The following TAFA5 variants were observed in gnomAD, a reference collection of about 807,000 sequenced individuals.
The protein encoded by TAFA5 is TAFA chemokine like family member 5.
Under a neutral mutation model 15.3 loss-of-function variants are expected in TAFA5, and 6 were observed. The ratio of observed to expected loss-of-function variants is 0.39; its 90% confidence interval spans 0.21 to 0.77. TAFA5 has a LOEUF of 0.77. Ranked by LOEUF, TAFA5 falls within the 30% of genes least tolerant of loss-of-function variation. The probability of loss-of-function intolerance (pLI) is 0.41; values close to 1 mark genes in which losing one functional copy is unlikely to be tolerated. For missense variants in TAFA5, 161 were observed against 193.1 expected (o/e 0.83, Z 0.98); for synonymous variants, 103 against 80.7 (o/e 1.28, Z -1.48).
chr22:48,672,447 A>T (rs903890585), intron 2 of TAFA5, among the ~76,000 whole-genome samples: 1 of 152,222 alleles, frequency 6.6e-6, no homozygotes, highest in African/African-American at 2.4e-5. Context: ...TTTTCCTTAC[A>T]TTTATCAGGG....
chr22:48,611,384 C>A (rs1181387609), intron 1 of TAFA5, among the ~76,000 whole-genome samples: 2 of 152,234 alleles, frequency 1.3e-5, no homozygotes, highest in African/African-American at 4.8e-5. Context: ...TTTATTAGAA[C>A]TCACTTATTC....
chr22:48,704,196 A>ATG (rs1929005584), intron 2 of TAFA5, among the ~76,000 whole-genome samples: 1 of 128,118 alleles, frequency 7.8e-6, no homozygotes. Context: ...CTCAACACAC[A>ATG]CGCGCACACA....
chr22:48,674,717 G>C (rs1927914648), intron 2 of TAFA5, among the ~76,000 whole-genome samples: 1 of 152,140 alleles, frequency 6.6e-6, no homozygotes, highest in Admixed American at 6.5e-5. Context: ...AGACGCCGTG[G>C]GGAGGGGGGC....
intron 1 of TAFA5, among the ~76,000 whole-genome samples, chr22:48,630,957 G>A (rs369647883): frequency 6.6e-6 from 1 of 152,206 alleles, no homozygotes; most frequent in East Asian, 1.9e-4. Context: ...GCAAGGCCCA[G>A]GGTCACCGAG....
chr22:48,541,108 A>G (rs1394079442), intron 1 of TAFA5, among the ~76,000 whole-genome samples: 1 of 152,172 alleles, frequency 6.6e-6, no homozygotes, highest in African/African-American at 2.4e-5. Context: ...ACTGAACGGC[A>G]GCACTTCTCA....
At position 48,714,964 on chromosome 22, in the gene TAFA5, T is replaced by A. The variant is rs144007328; in HGVS notation, c.390+7120T>A. ...ATCCGTCTTCATGGGGCCTGCTCTG[T>A]TTGCCAAATTTCCTTCTCCCTTTTC... On this transcript the variant is annotated intron_variant, in intron 3 of 3. Coordinates refer to ENST00000402357, the MANE Select transcript of TAFA5 (RefSeq NM_001082967.3). 1.1e-4 allele frequency among the ~76,000 whole-genome samples: 17 copies of A among 152,300 alleles called. No individual in the cohort carries two copies. In the East Asian group the frequency reaches 2.5e-3, roughly 22 times the overall value.
intron 1 of TAFA5, among the ~76,000 whole-genome samples, chr22:48,645,336 G>A (rs1601639619): frequency 6.6e-6 from 1 of 152,148 alleles, no homozygotes; most frequent in Admixed American, 6.5e-5. Flanking sequence ...GCCATGCTGC[G>A]TTTTACCAGC....
At chr22:48,497,182 C>A (rs566019655) in intron 1 of TAFA5, among the ~76,000 whole-genome samples, 2 of 152,252 alleles carry the variant, frequency 1.3e-5, no homozygotes, top group East Asian at 3.9e-4. Context: ...GGCCCCGTTC[C>A]GCCCCCGCCT....
At chr22:48,564,143 C>G (rs1601582137) in intron 1 of TAFA5, among the ~76,000 whole-genome samples, 1 of 152,238 alleles carries the variant, frequency 6.6e-6, no homozygotes, top group African/African-American at 2.4e-5. Flanking sequence ...ACGCTGTGGG[C>G]AGCTGGACAC....
intron 2 of TAFA5, among the ~76,000 whole-genome samples, chr22:48,648,024 G>A (rs1353022742): frequency 6.6e-6 from 1 of 152,218 alleles, no homozygotes; most frequent in Non-Finnish European, 1.5e-5. Flanking sequence ...GGCTGGGCAG[G>A]TGGAGTAGGG....
chr22:48,546,970 T>C (rs1223126759), intron 1 of TAFA5: 2 of 164,038 alleles, frequency 1.2e-5, no homozygotes, highest in Admixed American at 6.1e-5. Context: ...AGTTTGTTTT[T>C]CCAGACTCTG....
intron 1 of TAFA5, among the ~76,000 whole-genome samples, chr22:48,557,248 G>T (rs80161928): frequency 0.01 from 1,561 of 152,304 alleles, 31 homozygotes; most frequent in African/African-American, 0.035. Flanking sequence ...GGTCGTAAGG[G>T]TGGGGCCCTG....
At chr22:48,511,328 A>C (rs1168403938) in intron 1 of TAFA5, among the ~76,000 whole-genome samples, 2 of 152,064 alleles carry the variant, frequency 1.3e-5, no homozygotes, top group Admixed American at 6.5e-5. Context: ...GCTCCTTGGC[A>C]AACTGGGTCA....
At chr22:48,580,366 A>G (rs996866441) in intron 1 of TAFA5, among the ~76,000 whole-genome samples, 2 of 152,240 alleles carry the variant, frequency 1.3e-5, no homozygotes, top group Non-Finnish European at 2.9e-5. Context: ...GTGTTCGTCT[A>G]TCTGTTAGAT....
At chr22:48,674,841 T>C (rs541545728) in intron 2 of TAFA5, among the ~76,000 whole-genome samples, 1 of 152,300 alleles carries the variant, frequency 6.6e-6, no homozygotes, top group South Asian at 2.1e-4. Flanking sequence ...TGTCACACTA[T>C]TCTTTCGGTG....
intron 1 of TAFA5, among the ~76,000 whole-genome samples, chr22:48,510,313 G>T (rs1921164910): frequency 1.3e-5 from 2 of 152,092 alleles, no homozygotes; most frequent in African/African-American, 2.4e-5. Context: ...CTAATATCCA[G>T]AATATATTCA....
intron 1 of TAFA5, among the ~76,000 whole-genome samples, chr22:48,555,906 G>A (rs1012226261): frequency 6.6e-6 from 1 of 152,220 alleles, no homozygotes; most frequent in Admixed American, 6.5e-5. Flanking sequence ...CTTGGGTGGT[G>A]CTTGTGAGGG....
At position 48,579,540 on chromosome 22, in the gene TAFA5, C is replaced by CA. The variant is rs1464384657; in HGVS notation, c.113-67056dup. Among the ~76,000 whole-genome samples, 4 of 152,226 alleles carry CA rather than the reference C, an allele frequency of 2.6e-5. 1 individual carries two copies. Among genetic ancestry groups the CA allele is most frequent in the African/African-American group, 9.7e-5 (4 of 41,448 alleles). ...TCCTTAGGGTGCAGACGACGTGTGT[C>CA]ACGGAGACGCGAGAGGGAAGCCAGC... On this transcript the variant is annotated intron_variant, in intron 1 of 3. Coordinates refer to ENST00000402357, the MANE Select transcript of TAFA5 (RefSeq NM_001082967.3).
intron 1 of TAFA5, among the ~76,000 whole-genome samples, chr22:48,619,478 C>G (rs967404509): frequency 6.6e-6 from 1 of 152,218 alleles, no homozygotes; most frequent in Admixed American, 6.5e-5. Context: ...GCCTCAGCCT[C>G]CCGAGTAGCT....
Sources: gnomAD v4.1 joint callset for allele counts (sites outside exome capture counted in the v4.1 genomes callset) on GRCh38, gnomAD v4.1.1 for gene constraint, MANE v1.5 for transcripts, NCBI Gene and HGNC (gene_info 2026-07-23, HGNC 2026-07-21) for gene names.